Variants in PIP4K2A observed in about 807,000 individuals in gnomAD.
PIP4K2A encodes the protein phosphatidylinositol-5-phosphate 4-kinase type 2 alpha.
In PIP4K2A, 14 loss-of-function variants were observed where a neutral mutation model predicts 42.9. The observed-to-expected ratio is 0.33, with a 90% CI of 0.22 to 0.51. The LOEUF (loss-of-function observed/expected upper bound fraction) is 0.51. Ranked by LOEUF, PIP4K2A falls within the 20% of genes least tolerant of loss-of-function variation. PIP4K2A has a pLI of 0.97. For synonymous variants in PIP4K2A, 192 were observed against 192.2 expected, an observed-to-expected ratio of 1.00 and a Z score of 0.01; for missense variants, 434 against 519.8, an observed-to-expected ratio of 0.83 and a Z score of 1.61.
intron 1 of PIP4K2A, among the ~76,000 whole-genome samples, chr10:22,646,065 T>C (rs1038251785): frequency 3.3e-5 from 5 of 152,116 alleles, no homozygotes; most frequent in African/African-American, 9.7e-5. Context: ...AATTTCATGA[T>C]CAATCTGCCT....
At chr10:22,572,809 C>T (rs1391570301) in intron 5 of PIP4K2A, among the ~76,000 whole-genome samples, 1 of 152,186 alleles carries the variant, frequency 6.6e-6, no homozygotes, top group Non-Finnish European at 1.5e-5. Context: ...TTACAGTTCC[C>T]TCTGCCAGCA....
intron 6 of PIP4K2A, among the ~76,000 whole-genome samples, chr10:22,555,426 T>C (rs981544901): frequency 6.6e-6 from 1 of 152,238 alleles, no homozygotes; most frequent in African/African-American, 2.4e-5. Flanking sequence ...CGTCGTTATA[T>C]GCTAATCATG....
At chr10:22,696,007 A>G (rs889738276) in intron 1 of PIP4K2A, among the ~76,000 whole-genome samples, 1 of 152,130 alleles carries the variant, frequency 6.6e-6, no homozygotes, top group African/African-American at 2.4e-5. Context: ...TGCATGCGCA[A>G]TATTTTTGTA....
At chr10:22,668,425 T>C (rs1317211513) in intron 1 of PIP4K2A, among the ~76,000 whole-genome samples, 1 of 152,156 alleles carries the variant, frequency 6.6e-6, no homozygotes, top group Non-Finnish European at 1.5e-5. Context: ...AGTGTTTTTT[T>C]TGTTTGTTTG....
chr10:22,707,317 G>C (rs188747486), intron 1 of PIP4K2A, among the ~76,000 whole-genome samples: 1 of 152,266 alleles, frequency 6.6e-6, no homozygotes, highest in Admixed American at 6.5e-5. Context: ...AACCGAACAA[G>C]GACTCCAGAG....
intron 6 of PIP4K2A, among the ~76,000 whole-genome samples, chr10:22,554,617 C>T (rs1836489161): frequency 6.6e-6 from 1 of 152,222 alleles, no homozygotes; most frequent in Admixed American, 6.5e-5. Flanking sequence ...CTCTCCGAGG[C>T]CGGCTTCCAG....
chr10:22,695,530 A>G (rs1237689786), intron 1 of PIP4K2A, among the ~76,000 whole-genome samples: 1 of 152,212 alleles, frequency 6.6e-6, no homozygotes, highest in African/African-American at 2.4e-5. Context: ...AGAGCTACAC[A>G]GAGAGAAAAA....
At chr10:22,576,769 C>T (rs1216766410) in intron 4 of PIP4K2A, among the ~76,000 whole-genome samples, 1 of 152,166 alleles carries the variant, frequency 6.6e-6, no homozygotes, top group Non-Finnish European at 1.5e-5. Context: ...ACCCCCTCAT[C>T]ACTCTCAATA....
intron 4 of PIP4K2A, among the ~76,000 whole-genome samples, chr10:22,585,687 G>C (rs957040205): frequency 1.3e-5 from 2 of 149,540 alleles, no homozygotes; most frequent in Non-Finnish European, 3.0e-5. Flanking sequence ...TGCAACTTCT[G>C]CCTCCTGAGT....
At chr10:22,539,906 AGAGAGG>A (rs146089705) in intron 9 of PIP4K2A, 59 bp downstream of exon 9, 77,634 of 314,292 alleles carry the variant, frequency 0.25, 3,616 homozygotes, top group African/African-American at 0.35. Flanking sequence ...AGAGAGAGAG[AGAGAGG>A]GAGAGAGAGA....
chr10:22,547,994 G>A (rs981150697), intron 7 of PIP4K2A, among the ~76,000 whole-genome samples: 54 of 152,196 alleles, frequency 3.5e-4, no homozygotes, highest in Middle Eastern at 6.8e-3. Flanking sequence ...TCTCCTACTC[G>A]AGGCATTAAG....
intron 4 of PIP4K2A, among the ~76,000 whole-genome samples, chr10:22,590,645 C>T (rs1240795645): frequency 1.3e-5 from 2 of 152,184 alleles, no homozygotes; most frequent in Non-Finnish European, 2.9e-5. Flanking sequence ...GGGAGAACTG[C>T]TTGAGCCCAA....
At chr10:22,671,857 A>G (rs1287146504) in intron 1 of PIP4K2A, among the ~76,000 whole-genome samples, 3 of 152,134 alleles carry the variant, frequency 2.0e-5, no homozygotes, top group Non-Finnish European at 4.4e-5. Context: ...AGACAGGCCC[A>G]TTACCACTAA....
intron 3 of PIP4K2A, among the ~76,000 whole-genome samples, chr10:22,594,939 A>G (rs1179179670): frequency 6.6e-6 from 1 of 152,254 alleles, no homozygotes; most frequent in Non-Finnish European, 1.5e-5. Context: ...CCACGTGAGT[A>G]GCCCCAACCC....
intron 3 of PIP4K2A, among the ~76,000 whole-genome samples, chr10:22,593,883 A>G (rs962705982): frequency 9.8e-5 from 15 of 152,338 alleles, no homozygotes; most frequent in Admixed American, 9.8e-4. Flanking sequence ...GTAAAGGAGA[A>G]CTGTATTCAG....
Position 22,535,861 on chromosome 10 carries a change from T to C in PIP4K2A, c.*1340A>G, listed in dbSNP as rs114937338. 5.0e-3 allele frequency: 1,744 copies of C among 351,892 alleles called. 32 individuals carry two copies. Among genetic ancestry groups the C allele is most frequent in the African/African-American group, 0.035 (1,612 of 46,284 alleles). The allele number at this position is 351,892 out of a possible 1,614,324, so 21.8% of individuals were successfully genotyped here. A position where few individuals can be genotyped will look rare whatever the true frequency, so the allele number is the denominator to read the frequency against. ...CGAAATCTCTTTTTAAAAAAATCAA[T>C]CATTAGGTTGATAAATGTACATTTG... On this transcript the variant is annotated 3_prime_UTR_variant, in exon 10 of 10. Coordinates refer to ENST00000376573, the MANE Select transcript of PIP4K2A (RefSeq NM_005028.5).
chr10:22,583,980 G>A (rs997477455), intron 4 of PIP4K2A, among the ~76,000 whole-genome samples: 2 of 152,216 alleles, frequency 1.3e-5, no homozygotes, highest in African/African-American at 4.8e-5. Context: ...GGCCAGCATG[G>A]CAGTCTGACT....
At chr10:22,607,190 T>C (rs1291455329) in intron 3 of PIP4K2A, among the ~76,000 whole-genome samples, 1 of 152,238 alleles carries the variant, frequency 6.6e-6, no homozygotes, top group African/African-American at 2.4e-5. Context: ...TGGCTCGCTA[T>C]ATGAAACTTG....
At chr10:22,703,974 G>T (rs1022310811) in intron 1 of PIP4K2A, among the ~76,000 whole-genome samples, 1 of 152,124 alleles carries the variant, frequency 6.6e-6, no homozygotes, top group Non-Finnish European at 1.5e-5. Context: ...GACAGGGGAC[G>T]GGGCAGAGTG....
Sources: allele counts gnomAD v4.1 joint callset (sites outside exome capture counted in the v4.1 genomes callset), GRCh38; gene constraint gnomAD v4.1.1; transcripts MANE v1.5; gene names NCBI Gene and HGNC (gene_info 2026-07-23, HGNC 2026-07-21).